PARD3: variants seen among roughly 807,000 people sequenced by gnomAD.
PARD3 encodes the protein par-3 family cell polarity regulator, also known as partitioning defective 3 homolog.
Under a neutral mutation model 155.4 loss-of-function variants are expected in PARD3, and 75 were observed. The ratio of observed to expected loss-of-function variants is 0.48; its 90% CI spans 0.40 to 0.58. The LOEUF (loss-of-function observed/expected upper bound fraction) is 0.58, where lower values mean the gene tolerates loss of function less well. Ranked by LOEUF, PARD3 falls within the 20% of genes least tolerant of loss-of-function variation. The probability of loss-of-function intolerance (pLI) is 0.00; values close to 1 mark genes in which losing one functional copy is unlikely to be tolerated. For missense variants in PARD3, 1,642 were observed against 1,721.7 expected (o/e 0.95, Z 0.82); for synonymous variants, 576 against 610.5 (o/e 0.94, Z 0.83).
chr10:34,306,553 G>GC (rs1370859243), intron 20 of PARD3, among the ~76,000 whole-genome samples: 1 of 152,022 alleles, frequency 6.6e-6, no homozygotes, highest in Non-Finnish European at 1.5e-5. Context: ...GGAGGCTGAG[G>GC]CAGGAGAATC....
intron 22 of PARD3, among the ~76,000 whole-genome samples, chr10:34,174,246 G>A (rs944653550): frequency 1.4e-4 from 21 of 152,150 alleles, no homozygotes; most frequent in African/African-American, 4.8e-4. Flanking sequence ...AATTCATCCG[G>A]TGAGAATTAA....
At chr10:34,313,280 GTT>G (rs1481197434) in intron 20 of PARD3, among the ~76,000 whole-genome samples, 1 of 152,150 alleles carries the variant, frequency 6.6e-6, no homozygotes, top group Non-Finnish European at 1.5e-5. Context: ...ATGTTTACCT[GTT>G]TTGTAAGCAC....
intron 1 of PARD3, among the ~76,000 whole-genome samples, chr10:34,772,738 G>A: frequency 6.9e-6 from 1 of 145,962 alleles, no homozygotes. Flanking sequence ...AGGTTGCAGT[G>A]AGCCGAGATC....
At chr10:34,616,946 A>AT (rs1007068089) in intron 2 of PARD3, among the ~76,000 whole-genome samples, 1 of 151,588 alleles carries the variant, frequency 6.6e-6, no homozygotes, top group African/African-American at 2.4e-5. Flanking sequence ...AAAAAAAAAA[A>AT]AAATAACTAA....
intron 22 of PARD3, 100 bp from the exon 23 acceptor site, chr10:34,131,683 T>C: frequency 9.9e-7 from 1 of 1,006,894 alleles, no homozygotes; most frequent in East Asian, 2.4e-5. Flanking sequence ...AATGACGCCA[T>C]TTAAGAGAAA....
At chr10:34,172,761 CAA>C (rs1049509877) in intron 22 of PARD3, among the ~76,000 whole-genome samples, 1 of 130,952 alleles carries the variant, frequency 7.6e-6, no homozygotes, top group East Asian at 2.2e-4. Context: ...AAAAAAAAAA[CAA>C]AAAAAAAACC....
chr10:34,409,553 T>C (rs1040254111), intron 5 of PARD3, among the ~76,000 whole-genome samples: 1 of 152,176 alleles, frequency 6.6e-6, no homozygotes, highest in African/African-American at 2.4e-5. Context: ...CCTATACATA[T>C]TTATCCCAGA....
intron 3 of PARD3, among the ~76,000 whole-genome samples, chr10:34,486,027 G>A (rs530768127): frequency 3.7e-4 from 54 of 145,214 alleles, no homozygotes; most frequent in Non-Finnish European, 5.7e-4. Flanking sequence ...AGGCTCACAC[G>A]ATCCTCCTGC....
intron 18 of PARD3, among the ~76,000 whole-genome samples, chr10:34,333,240 C>T (rs1444788846): frequency 6.6e-6 from 1 of 152,126 alleles, no homozygotes. Flanking sequence ...TAAAGCTTTT[C>T]TTTGTGTAAA....
chr10:34,288,429 G>A (rs1480559720), intron 20 of PARD3, among the ~76,000 whole-genome samples: 1 of 151,826 alleles, frequency 6.6e-6, no homozygotes, highest in Non-Finnish European at 1.5e-5. Flanking sequence ...GAAATCAACT[G>A]TAAATAAAAA....
chr10:34,299,860 T>C (rs577772584), intron 20 of PARD3, among the ~76,000 whole-genome samples: 36 of 152,364 alleles, frequency 2.4e-4, no homozygotes, highest in African/African-American at 7.9e-4. Flanking sequence ...ACTGGTTACA[T>C]GGTCTACCTT....
At position 34,173,581 on chromosome 10, in the gene PARD3, C is replaced by T. The variant is rs556450602; in HGVS notation, c.3420-41998G>A. On this transcript the variant is annotated intron_variant, in intron 22 of 24. Transcript: ENST00000374788. ...TGCTATAATTTTCCTCTTGAGTAAA[C>T]TGAAGTATAGAAGAAACTAACTTTT... 4.6e-5 allele frequency among the ~76,000 whole-genome samples: 7 copies of T among 152,270 alleles called. No individual in the cohort carries two copies. The South Asian group carries it at 8.3e-4, about 18-fold the overall frequency.
intron 2 of PARD3, among the ~76,000 whole-genome samples, chr10:34,559,860 G>T (rs1015700003): frequency 6.6e-6 from 1 of 152,202 alleles, no homozygotes; most frequent in Non-Finnish European, 1.5e-5. Context: ...TCATCAAAAT[G>T]GAGAAGGGCA....
chr10:34,783,130 C>A (rs1194029949), intron 1 of PARD3, among the ~76,000 whole-genome samples: 2 of 152,070 alleles, frequency 1.3e-5, no homozygotes, highest in African/African-American at 4.8e-5. Context: ...ATCCAAGGGA[C>A]AATAGGTAAA....
intron 2 of PARD3, among the ~76,000 whole-genome samples, chr10:34,666,546 G>A (rs2093475696): frequency 6.6e-6 from 1 of 151,726 alleles, no homozygotes; most frequent in Non-Finnish European, 1.5e-5. Context: ...TAACGTCCAG[G>A]AGTCCACAAA....
intron 2 of PARD3, among the ~76,000 whole-genome samples, chr10:34,635,213 C>G (rs2092424876): frequency 6.6e-6 from 1 of 152,230 alleles, no homozygotes; most frequent in Non-Finnish European, 1.5e-5. Flanking sequence ...CATGGGTGCT[C>G]TCAGCCCACC....
chr10:34,112,199 G>T (rs538765292), intron 24 of PARD3, among the ~76,000 whole-genome samples: 2 of 152,304 alleles, frequency 1.3e-5, no homozygotes, highest in South Asian at 4.1e-4. Context: ...ATCCAGATTG[G>T]ACGGAGAGTC....
intron 22 of PARD3, among the ~76,000 whole-genome samples, chr10:34,243,353 C>T (rs1953730069): frequency 6.6e-6 from 1 of 152,158 alleles, no homozygotes; most frequent in Non-Finnish European, 1.5e-5. Context: ...TTGCCCAATA[C>T]ATCACATTCA....
At chr10:34,282,439 A>G (rs1403060838) in intron 21 of PARD3, among the ~76,000 whole-genome samples, 2 of 152,202 alleles carry the variant, frequency 1.3e-5, no homozygotes, top group African/African-American at 4.8e-5. Flanking sequence ...GCAAATTAAT[A>G]ATACAAGTGA....
Sources: gnomAD v4.1 joint callset for allele counts (sites outside exome capture counted in the v4.1 genomes callset) on GRCh38, gnomAD v4.1.1 for gene constraint, MANE v1.5 for transcripts, NCBI Gene and HGNC (gene_info 2026-07-23, HGNC 2026-07-21) for gene names.